Variants in VIT observed in about 807,000 individuals in gnomAD.
VIT encodes the protein vitrin.
A neutral mutation model predicts 78.0 loss-of-function variants in VIT; 99 were observed. The ratio of observed to expected loss-of-function variants is 1.27; its 90% CI spans 1.08 to 1.50. The LOEUF is 1.50. VIT is among the 40% of genes most tolerant of loss of function. The pLI is 0.00. For synonymous variants in VIT, 374 were observed against 334.3 expected (o/e 1.12, Z -1.29); for missense variants, 1,126 against 875.3 (o/e 1.29, Z -3.61).
intron 4 of VIT, among the ~76,000 whole-genome samples, chr2:36,746,740 CA>C (rs1558535185): frequency 6.6e-6 from 1 of 151,930 alleles, no homozygotes; most frequent in African/African-American, 2.4e-5. Flanking sequence ...TTTATCCTTT[CA>C]AAAAACAAAC....
At chr2:36,719,176 G>A (rs1666341040) in intron 2 of VIT, among the ~76,000 whole-genome samples, 1 of 152,156 alleles carries the variant, frequency 6.6e-6, no homozygotes, top group South Asian at 2.1e-4. Flanking sequence ...AGAAAAAGGA[G>A]ACTCCTATAC....
intron 2 of VIT, among the ~76,000 whole-genome samples, chr2:36,719,605 T>G (rs1396008314): frequency 6.6e-6 from 1 of 152,112 alleles, no homozygotes; most frequent in Non-Finnish European, 1.5e-5. Context: ...AGGAATAAAT[T>G]TAACCATAGA....
chr2:36,754,922 G>A lies in VIT; in HGVS notation c.277G>A (p.Gly93Ser). Residue 93 changes from glycine to serine, a missense_variant and splice_region_variant, in exon 5 of 16, where the codon GGT becomes AGT. Physicochemically the swap from Gly to Ser is moderately conservative, Grantham distance 56 (BLOSUM62 0). Transcript: ENST00000379242. ...SSVCGAAVHS[G>S]VLDNSGGKIL... ...AAAAATTATTTTTTCTCTTCATAGTGGTGTGCTTGATAATTCAGGAGGGAA... is the reference window on the plus strand; with the variant it reads ...AAAAATTATTTTTTCTCTTCATAGTAGTGTGCTTGATAATTCAGGAGGGAA... 6.2e-7 allele frequency: 1 copy of A among 1,613,216 alleles called. No homozygotes were observed. The highest frequency in any genetic ancestry group is 1.3e-5 in the African/African-American group (1 of 74,988).
chr2:36,769,207 G>T (rs754416952), intron 7 of VIT, among the ~76,000 whole-genome samples: 70 of 152,334 alleles, frequency 4.6e-4, no homozygotes, highest in South Asian at 8.3e-4. Context: ...GAGTATCTGA[G>T]TTAGTTGTTT....
At chr2:36,799,876 C>A (rs1472243316) in intron 12 of VIT, among the ~76,000 whole-genome samples, 1 of 149,780 alleles carries the variant, frequency 6.7e-6, no homozygotes, top group Non-Finnish European at 1.5e-5. Context: ...GGCAAAACCC[C>A]ATCTCTACTA....
chr2:36,734,906 A>C (rs10165788), intron 3 of VIT, among the ~76,000 whole-genome samples: 1 of 152,094 alleles, frequency 6.6e-6, no homozygotes, highest in Admixed American at 6.5e-5. Flanking sequence ...GGGCACGCCT[A>C]TAATCCCAGC....
chr2:36,792,583 A>G (rs1415490736), intron 12 of VIT, among the ~76,000 whole-genome samples: 2 of 152,152 alleles, frequency 1.3e-5, no homozygotes, highest in Non-Finnish European at 2.9e-5. Flanking sequence ...ACCACCTGGG[A>G]GCTCCTAAAA....
intron 3 of VIT, among the ~76,000 whole-genome samples, chr2:36,730,844 T>C (rs1667157884): frequency 6.6e-6 from 1 of 152,340 alleles, no homozygotes; most frequent in Non-Finnish European, 1.5e-5. Flanking sequence ...TGGCTGAGTC[T>C]GAGGACTTTT....
intron 1 of VIT, among the ~76,000 whole-genome samples, chr2:36,716,031 C>G (rs1395029745): frequency 6.6e-6 from 1 of 152,114 alleles, no homozygotes; most frequent in Non-Finnish European, 1.5e-5. Flanking sequence ...ATAAATGTGG[C>G]TTTCATCCTA....
intron 4 of VIT, among the ~76,000 whole-genome samples, chr2:36,748,810 T>C (rs905651636): frequency 1.9e-4 from 29 of 152,250 alleles, no homozygotes; most frequent in African/African-American, 6.5e-4. Flanking sequence ...TTCACCTCTG[T>C]GTCTGCATTG....
At position 36,708,579 on chromosome 2, in the gene VIT, T is replaced by C. The variant is rs544441184; in HGVS notation, c.-18-7774T>C. On this transcript the variant is annotated intron_variant, in intron 1 of 15. Coordinates refer to ENST00000379242, the MANE Select transcript of VIT (RefSeq NM_053276.4). ...AGTTCCACATTCTTTAGGCATGACATTCAAGGCTGACATGGCCCTTCATCC... is the reference window on the plus strand; with the variant it reads ...AGTTCCACATTCTTTAGGCATGACACTCAAGGCTGACATGGCCCTTCATCC... Among the ~76,000 whole-genome samples the C allele has an allele frequency of 2.6e-5, 4 of 152,286 alleles. No homozygotes were observed. The South Asian group carries it at 8.3e-4, about 32-fold the overall frequency.
At chr2:36,750,168 G>C (rs1668370283) in intron 4 of VIT, among the ~76,000 whole-genome samples, 1 of 152,194 alleles carries the variant, frequency 6.6e-6, no homozygotes. Context: ...TTCAGACTAT[G>C]AAATAAAAAT....
At chr2:36,713,483 G>A (rs1558507254) in intron 1 of VIT, among the ~76,000 whole-genome samples, 1 of 152,214 alleles carries the variant, frequency 6.6e-6, no homozygotes, top group African/African-American at 2.4e-5. Context: ...AAGACGGGGA[G>A]CCACTGTGGA....
intron 14 of VIT, among the ~76,000 whole-genome samples, chr2:36,807,855 G>T (rs999985220): frequency 3.9e-5 from 6 of 152,214 alleles, no homozygotes; most frequent in Admixed American, 6.5e-5. Flanking sequence ...ACTCAGGGAA[G>T]TCCCCTCATA....
At chr2:36,806,898 T>C (rs1484139199) in intron 14 of VIT, among the ~76,000 whole-genome samples, 2 of 152,112 alleles carry the variant, frequency 1.3e-5, no homozygotes, top group African/African-American at 4.8e-5. Flanking sequence ...GCCATCCATT[T>C]TCAGCTGACT....
At chr2:36,711,798 C>T (rs1665816112) in intron 1 of VIT, among the ~76,000 whole-genome samples, 1 of 152,208 alleles carries the variant, frequency 6.6e-6, no homozygotes. Context: ...TCTCTTCTAA[C>T]TGTGGGCAGA....
intron 1 of VIT, among the ~76,000 whole-genome samples, chr2:36,703,505 C>G (rs1665202753): frequency 6.6e-6 from 1 of 152,178 alleles, no homozygotes; most frequent in African/African-American, 2.4e-5. Flanking sequence ...CAGTCAATTA[C>G]AATACACTCA....
At chr2:36,719,929 G>A (rs564797079) in intron 2 of VIT, among the ~76,000 whole-genome samples, 1 of 152,076 alleles carries the variant, frequency 6.6e-6, no homozygotes, top group Admixed American at 6.5e-5. Flanking sequence ...GTGACAGAGT[G>A]AGGCCCTGAC....
chr2:36,781,873 C>A, intron 10 of VIT, 102 bp downstream of exon 10: 1 of 1,407,936 alleles, frequency 7.1e-7, no homozygotes, highest in Non-Finnish European at 9.9e-7. Flanking sequence ...CCGAGCTCCA[C>A]TAGCCTAGGA....
Sources: gnomAD v4.1 joint callset for allele counts (sites outside exome capture counted in the v4.1 genomes callset) on GRCh38, gnomAD v4.1.1 for gene constraint, MANE v1.5 for transcripts, NCBI Gene and HGNC (gene_info 2026-07-23, HGNC 2026-07-21) for gene names.